DACH1: variants seen among roughly 807,000 people sequenced by gnomAD.
The protein encoded by DACH1 is dachshund family transcription factor 1.
A neutral mutation model predicts 54.2 loss-of-function variants in DACH1; 12 were observed. The observed-to-expected ratio is 0.22, with a 90% CI of 0.14 to 0.36. The LOEUF (loss-of-function observed/expected upper bound fraction) is 0.36. DACH1 is among the 10% of genes least tolerant of loss of function. DACH1 has a pLI of 1.00. For missense variants in DACH1, 805 were observed against 929.8 expected (o/e 0.87, Z 1.75); for synonymous variants, 386 against 366.2 (o/e 1.05, Z -0.62).
chr13:71,503,597 C>A (rs1380624577), intron 6 of DACH1, among the ~76,000 whole-genome samples: 1 of 152,180 alleles, frequency 6.6e-6, no homozygotes, highest in Non-Finnish European at 1.5e-5. Flanking sequence ...TAATAAACTA[C>A]ATTTGTGGCT....
chr13:71,711,522 G>A lies in DACH1; in HGVS notation c.849-29612C>T, dbSNP rs142203358. Among the ~76,000 whole-genome samples, 63 of 152,198 alleles carry A rather than the reference G, an allele frequency of 4.1e-4. 1 individual carries two copies. The East Asian group carries it at 8.9e-3, about 21-fold the overall frequency. Reference sequence around the variant, plus strand: ...CAAGCAGTCCTTTTTATTCAGAAGTGATCATCAGCAATGTTAAACATTCTA... The same window carrying A: ...CAAGCAGTCCTTTTTATTCAGAAGTAATCATCAGCAATGTTAAACATTCTA... On this transcript the variant is annotated intron_variant, in intron 1 of 10. Transcript: ENST00000613252.
intron 6 of DACH1, among the ~76,000 whole-genome samples, chr13:71,538,546 C>A (rs1422329587): frequency 2.6e-5 from 4 of 152,028 alleles, no homozygotes; most frequent in Non-Finnish European, 5.9e-5. Context: ...AAGGGAAACA[C>A]TGACATTCCA....
At chr13:71,484,703 C>CT (rs2138193339) in intron 7 of DACH1, among the ~76,000 whole-genome samples, 1 of 152,162 alleles carries the variant, frequency 6.6e-6, no homozygotes, top group African/African-American at 2.4e-5. Flanking sequence ...TTTTTAAAGC[C>CT]TTTTTGTAAC....
chr13:71,647,546 C>T (rs900678117), intron 2 of DACH1, among the ~76,000 whole-genome samples: 12 of 152,154 alleles, frequency 7.9e-5, no homozygotes, highest in African/African-American at 1.4e-4. Flanking sequence ...ATCGTTCCCA[C>T]GGGACATCTA....
chr13:71,761,135 A>T (rs186883705), intron 1 of DACH1, among the ~76,000 whole-genome samples: 1 of 152,270 alleles, frequency 6.6e-6, no homozygotes, highest in East Asian at 1.9e-4. Context: ...TAAGTAGATT[A>T]AGTCCTTAAT....
chr13:71,443,516 A>G (rs965309904), intron 10 of DACH1, among the ~76,000 whole-genome samples: 1 of 152,208 alleles, frequency 6.6e-6, no homozygotes, highest in African/African-American at 2.4e-5. Context: ...GATTTTTCTT[A>G]ATAGTTGAAA....
chr13:71,548,420 A>C (rs1235609447), intron 6 of DACH1, among the ~76,000 whole-genome samples: 2 of 152,174 alleles, frequency 1.3e-5, no homozygotes, highest in African/African-American at 2.4e-5. Context: ...TCATATTAAA[A>C]AATAAGAAAG....
intron 1 of DACH1, among the ~76,000 whole-genome samples, chr13:71,773,640 C>T (rs967842998): frequency 6.6e-6 from 1 of 151,952 alleles, no homozygotes; most frequent in African/African-American, 2.4e-5. Context: ...AAAAATATGT[C>T]GCACTATATG....
chr13:71,515,659 A>G (rs1357323329), intron 6 of DACH1, among the ~76,000 whole-genome samples: 1 of 151,956 alleles, frequency 6.6e-6, no homozygotes, highest in Admixed American at 6.6e-5. Context: ...AAACACCACC[A>G]TAAAGAAATA....
chr13:71,783,339 G>T (rs547226568), intron 1 of DACH1, among the ~76,000 whole-genome samples: 1 of 152,184 alleles, frequency 6.6e-6, no homozygotes, highest in South Asian at 2.1e-4. Context: ...TATAACTAAA[G>T]TCTAGGAAAA....
chr13:71,573,546 T>C (rs1366871402), intron 3 of DACH1: 3 of 637,672 alleles, frequency 4.7e-6, no homozygotes, highest in Non-Finnish European at 8.5e-6. Flanking sequence ...GGGCAGTGTT[T>C]CCTTATCCCA....
intron 1 of DACH1, among the ~76,000 whole-genome samples, chr13:71,819,174 A>G (rs1888089712): frequency 6.6e-6 from 1 of 152,180 alleles, no homozygotes; most frequent in Admixed American, 6.5e-5. Context: ...AGAACTGTGT[A>G]TTTTGGAAGA....
rs1461637065 is a variant in DACH1, at chr13:71,831,990, C to G, written c.848+33932G>C. On this transcript the variant is annotated intron_variant, in intron 1 of 10. Transcript: ENST00000613252. The stretch of plus-strand genomic sequence containing the variant: ...TGCTGACCAGACTTTTTTTTGAGGT[C>G]ACTATCTGTTTCTTCAACTGATGTC... Among the ~76,000 whole-genome samples the G allele has an allele frequency of 2.0e-5, 3 of 151,832 alleles. No homozygotes were observed. In the East Asian group the frequency reaches 5.8e-4, roughly 29 times the overall value.
intron 10 of DACH1, among the ~76,000 whole-genome samples, chr13:71,452,778 A>G (rs1460240311): frequency 6.6e-6 from 1 of 152,194 alleles, no homozygotes; most frequent in Non-Finnish European, 1.5e-5. Context: ...CAAATTTACA[A>G]TTGTAAAGTT....
At chr13:71,661,602 T>C (rs544305430) in intron 2 of DACH1, among the ~76,000 whole-genome samples, 18 of 152,214 alleles carry the variant, frequency 1.2e-4, no homozygotes, top group African/African-American at 4.1e-4. Flanking sequence ...TCCTAGATTA[T>C]ATGTTCCCAT....
intron 3 of DACH1, among the ~76,000 whole-genome samples, chr13:71,580,922 C>T (rs1296068681): frequency 6.6e-6 from 1 of 152,046 alleles, no homozygotes; most frequent in Non-Finnish European, 1.5e-5. Context: ...CTTTTAATTA[C>T]AAATCTTACA....
chr13:71,663,203 T>C (rs1879622886), intron 2 of DACH1, among the ~76,000 whole-genome samples: 1 of 151,890 alleles, frequency 6.6e-6, no homozygotes, highest in African/African-American at 2.4e-5. Context: ...GAATAAAATG[T>C]ATCAAAAGTA....
At chr13:71,469,109 T>G (rs1876848851) in intron 10 of DACH1, among the ~76,000 whole-genome samples, 1 of 152,122 alleles carries the variant, frequency 6.6e-6, no homozygotes, top group Non-Finnish European at 1.5e-5. Flanking sequence ...AAATCTCGAT[T>G]CAATGCCAGA....
intron 6 of DACH1, among the ~76,000 whole-genome samples, chr13:71,497,625 C>T (rs1342979229): frequency 6.6e-6 from 1 of 152,182 alleles, no homozygotes; most frequent in South Asian, 2.1e-4. Flanking sequence ...AGCCACTGCG[C>T]CCCTGCTCTA....
Sources: allele counts gnomAD v4.1 joint callset (sites outside exome capture counted in the v4.1 genomes callset), GRCh38; gene constraint gnomAD v4.1.1; transcripts MANE v1.5; gene names NCBI Gene and HGNC (gene_info 2026-07-23, HGNC 2026-07-21).